CCDC192: variants seen among roughly 807,000 people sequenced by gnomAD.
The protein encoded by CCDC192 is coiled-coil domain-containing protein 192.
intron 6 of CCDC192, among the ~76,000 whole-genome samples, chr5:127,891,544 T>C (rs1752732630): frequency 6.6e-6 from 1 of 152,228 alleles, no homozygotes. Context: ...TGCTCCACAC[T>C]CATCATTCTC....
rs373354073 is a variant in CCDC192 at position 127,887,951 on chromosome 5, C to T, written c.535+12290C>T. ...ATCTCTTGACCTCGTGATCCACCCG[C>T]CTCGGCCTCCCAAAGTGCTGGGATT... On this transcript the variant is annotated intron_variant, in intron 6 of 6. Coordinates refer to ENST00000514853, the MANE Select transcript of CCDC192 (RefSeq NM_001317938.2). Among the ~76,000 whole-genome samples the T allele has an allele frequency of 1.5e-4, 23 of 152,118 alleles. No individual in the cohort carries two copies. The South Asian group carries it at 4.8e-3, about 32-fold the overall frequency.
intron 6 of CCDC192, among the ~76,000 whole-genome samples, chr5:127,885,988 T>G (rs1233741322): frequency 6.6e-6 from 1 of 152,206 alleles, no homozygotes; most frequent in Non-Finnish European, 1.5e-5. Flanking sequence ...ACAGCATTCA[T>G]TGCTCCTTAG....
At chr5:127,788,991 A>G (rs993163302) in intron 3 of CCDC192, among the ~76,000 whole-genome samples, 2 of 152,212 alleles carry the variant, frequency 1.3e-5, no homozygotes, top group Non-Finnish European at 2.9e-5. Flanking sequence ...ATGTGAGGAT[A>G]CAGCAAAAAA....
chr5:127,867,886 C>T (rs1380995613), intron 5 of CCDC192, among the ~76,000 whole-genome samples: 1 of 152,162 alleles, frequency 6.6e-6, no homozygotes, highest in South Asian at 2.1e-4. Flanking sequence ...GGCAGCATTA[C>T]CCAAAGAAAA....
rs145377996 is a variant in CCDC192 at position 127,905,251 on chromosome 5, T to C, written c.535+29590T>C. On this transcript the variant is annotated intron_variant, in intron 6 of 6. Coordinates refer to ENST00000514853, the MANE Select transcript of CCDC192 (RefSeq NM_001317938.2). Reference sequence around the variant, plus strand: ...AAAAGTTTCAACCTATCAAGTTTAATGTGAAAACTAATTTCTAATTCAGTC... The same window carrying C: ...AAAAGTTTCAACCTATCAAGTTTAACGTGAAAACTAATTTCTAATTCAGTC... 1.4e-4 allele frequency among the ~76,000 whole-genome samples: 21 copies of C among 152,372 alleles called. No individual in the cohort carries two copies. The East Asian group carries it at 3.5e-3, about 25-fold the overall frequency.
At chr5:127,789,402 G>T (rs989571360) in intron 3 of CCDC192, among the ~76,000 whole-genome samples, 3 of 152,208 alleles carry the variant, frequency 2.0e-5, no homozygotes, top group Non-Finnish European at 2.9e-5. Flanking sequence ...GTTTTAGATG[G>T]AAAAGAGGAA....
At chr5:127,799,561 G>A (rs1757367888) in intron 5 of CCDC192, among the ~76,000 whole-genome samples, 1 of 152,154 alleles carries the variant, frequency 6.6e-6, no homozygotes, top group Non-Finnish European at 1.5e-5. Flanking sequence ...CATGGAAGAA[G>A]CTTTTAGCTC....
rs141881205 is a variant in CCDC192, at chr5:127,833,506, T to C, written c.411+35344T>C. ...CATTATGTTCCATGTATCCTCCTTATACTACATGCCATCATACATATAGCA... is the reference window on the plus strand; with the variant it reads ...CATTATGTTCCATGTATCCTCCTTACACTACATGCCATCATACATATAGCA... On this transcript the variant is annotated intron_variant, in intron 5 of 6. Coordinates refer to ENST00000514853, the MANE Select transcript of CCDC192 (RefSeq NM_001317938.2). Among the ~76,000 whole-genome samples the C allele has an allele frequency of 9.5e-4, 145 of 152,286 alleles. 1 individual carries two copies. The highest frequency in any genetic ancestry group is 1.4e-3 in the Non-Finnish European group (98 of 67,990).
At chr5:127,786,704 T>C in intron 3 of CCDC192, 1 of 745,988 alleles carries the variant, frequency 1.3e-6, no homozygotes. Flanking sequence ...AGAATTTCAG[T>C]ACACTCTTGT....
intron 5 of CCDC192, among the ~76,000 whole-genome samples, chr5:127,807,237 T>C (rs1195954575): frequency 6.6e-6 from 1 of 152,194 alleles, no homozygotes. Context: ...GTTTATGAGA[T>C]TATAGTTTAT....
intron 5 of CCDC192, among the ~76,000 whole-genome samples, chr5:127,865,513 G>A (rs1285018468): frequency 6.6e-6 from 1 of 151,800 alleles, no homozygotes; most frequent in East Asian, 1.9e-4. Flanking sequence ...CAGGAAAGCT[G>A]AAGGGAGAGG....
intron 6 of CCDC192, among the ~76,000 whole-genome samples, chr5:127,929,474 C>G (rs193053903): frequency 6.6e-6 from 1 of 152,268 alleles, no homozygotes; most frequent in Admixed American, 6.5e-5. Context: ...TTGCACATGT[C>G]AGTCAAAATT....
intron 2 of CCDC192, among the ~76,000 whole-genome samples, chr5:127,713,420 A>G (rs1031539828): frequency 2.0e-5 from 3 of 152,086 alleles, no homozygotes; most frequent in African/African-American, 7.2e-5. Context: ...TTAGTTTCTT[A>G]TTTGATAATG....
chr5:127,732,907 G>A (rs1487922735), intron 2 of CCDC192, among the ~76,000 whole-genome samples: 1 of 152,032 alleles, frequency 6.6e-6, no homozygotes, highest in African/African-American at 2.4e-5. Context: ...GCTTAATACC[G>A]AGGTGATGGG....
chr5:127,802,857 T>A (rs918409509), intron 5 of CCDC192, among the ~76,000 whole-genome samples: 5 of 152,172 alleles, frequency 3.3e-5, no homozygotes, highest in Admixed American at 2.6e-4. Context: ...ACCCTTTATA[T>A]ATCAGGGAAA....
chr5:127,755,257 T>G (rs961165251), intron 3 of CCDC192, among the ~76,000 whole-genome samples: 2 of 152,186 alleles, frequency 1.3e-5, no homozygotes, highest in Non-Finnish European at 2.9e-5. Context: ...TTAAGGTACT[T>G]TTAATAAAGG....
intron 5 of CCDC192, among the ~76,000 whole-genome samples, chr5:127,798,710 AT>A (rs368075731): frequency 6.6e-5 from 10 of 150,806 alleles, no homozygotes; most frequent in Non-Finnish European, 1.2e-4. Context: ...TTTTTTATAC[AT>A]TTTTTATACA....
chr5:127,938,573 G>A (rs1754250180), intron 6 of CCDC192, among the ~76,000 whole-genome samples: 3 of 151,894 alleles, frequency 2.0e-5, no homozygotes, highest in Admixed American at 2.0e-4. Flanking sequence ...AATTTTCTAG[G>A]AGCCACATTT....
intron 5 of CCDC192, among the ~76,000 whole-genome samples, chr5:127,840,626 T>C (rs1750240041): frequency 6.6e-6 from 1 of 152,162 alleles, no homozygotes; most frequent in South Asian, 2.1e-4. Flanking sequence ...ATTAAATTGT[T>C]AAATTATTTC....
Sources: allele counts gnomAD v4.1 joint callset (sites outside exome capture counted in the v4.1 genomes callset), GRCh38; gene constraint gnomAD v4.1.1; transcripts MANE v1.5; gene names NCBI Gene and HGNC (gene_info 2026-07-23, HGNC 2026-07-21).